Variants in LDLRAD4 observed in about 807,000 individuals in gnomAD.
LDLRAD4 encodes the protein low density lipoprotein receptor class A domain containing 4, also known as low-density lipoprotein receptor class A domain-containing protein 4.
A neutral mutation model predicts 17.0 loss-of-function variants in LDLRAD4; 5 were observed. The ratio of observed to expected loss-of-function variants is 0.29; its 90% confidence interval spans 0.15 to 0.62. The LOEUF is 0.62. Ranked by LOEUF, LDLRAD4 falls within the 20% of genes least tolerant of loss-of-function variation. LDLRAD4 has a pLI of 0.84. For missense variants in LDLRAD4, 340 were observed against 424.7 expected (o/e 0.80, Z 1.75); for synonymous variants, 168 against 171.8 (o/e 0.98, Z 0.17).
chr18:13,265,742 C>T (rs2044178935), intron 1 of LDLRAD4, among the ~76,000 whole-genome samples: 1 of 152,128 alleles, frequency 6.6e-6, no homozygotes, highest in Admixed American at 6.5e-5. Context: ...GCCATGGGTC[C>T]TGCTTGCCTG....
At chr18:13,285,418 C>A (rs886469822) in intron 1 of LDLRAD4, among the ~76,000 whole-genome samples, 3 of 152,176 alleles carry the variant, frequency 2.0e-5, no homozygotes, top group Non-Finnish European at 4.4e-5. Flanking sequence ...CGAGGACAGT[C>A]AGGGGACAGG....
At chr18:13,240,948 A>G in intron 1 of LDLRAD4, 1 of 140,006 alleles carries the variant, frequency 7.1e-6, no homozygotes, top group Non-Finnish European at 1.5e-5. Flanking sequence ...TTTTTTTTTG[A>G]GATGGAGTTT....
At chr18:13,251,868 G>T (rs2043237051) in intron 1 of LDLRAD4, among the ~76,000 whole-genome samples, 1 of 152,208 alleles carries the variant, frequency 6.6e-6, no homozygotes, top group South Asian at 2.1e-4. Flanking sequence ...TATCCCAAAT[G>T]CAGAGTTCCT....
chr18:13,326,237 T>G (rs761073756), intron 1 of LDLRAD4, among the ~76,000 whole-genome samples: 15 of 152,070 alleles, frequency 9.9e-5, no homozygotes, highest in Non-Finnish European at 2.2e-4. Context: ...GGAGGCTTAG[T>G]ATTTGTATGT....
chr18:13,412,459 A>G (rs1024111933), intron 2 of LDLRAD4, among the ~76,000 whole-genome samples: 1 of 152,190 alleles, frequency 6.6e-6, no homozygotes, highest in Non-Finnish European at 1.5e-5. Flanking sequence ...TTTCTCTATT[A>G]TAACATTTAC....
At chr18:13,490,923 G>T (rs3809904) in intron 3 of LDLRAD4, among the ~76,000 whole-genome samples, 3 of 152,126 alleles carry the variant, frequency 2.0e-5, no homozygotes, top group Non-Finnish European at 4.4e-5. Flanking sequence ...CTGGGCCTCT[G>T]TCTCTGGACG....
intron 3 of LDLRAD4, among the ~76,000 whole-genome samples, chr18:13,441,987 A>G (rs188782616): frequency 1.3e-5 from 2 of 152,330 alleles, no homozygotes; most frequent in African/African-American, 4.8e-5. Flanking sequence ...TTTCTGTGGA[A>G]GAGGAAATAT....
At chr18:13,400,964 A>G (rs750502301) in intron 2 of LDLRAD4, among the ~76,000 whole-genome samples, 5 of 152,182 alleles carry the variant, frequency 3.3e-5, no homozygotes, top group Non-Finnish European at 7.4e-5. Context: ...GAATAGAGTA[A>G]TCAAATGTAT....
intron 1 of LDLRAD4, among the ~76,000 whole-genome samples, chr18:13,237,382 C>T (rs2042389613): frequency 6.6e-6 from 1 of 152,178 alleles, no homozygotes; most frequent in Non-Finnish European, 1.5e-5. Flanking sequence ...CGTAGATGGT[C>T]TCTTAGTTCC....
chr18:13,433,816 A>G (rs1207474517), intron 2 of LDLRAD4, among the ~76,000 whole-genome samples: 1 of 152,190 alleles, frequency 6.6e-6, no homozygotes, highest in Non-Finnish European at 1.5e-5. Context: ...ATATTAGGAC[A>G]TTCCCTTTCT....
chr18:13,345,368 A>G (rs2082619833), intron 1 of LDLRAD4, among the ~76,000 whole-genome samples: 1 of 152,138 alleles, frequency 6.6e-6, no homozygotes, highest in African/African-American at 2.4e-5. Context: ...GGTTCTGTTT[A>G]TATGCTGGAT....
chr18:13,522,728 ATG>A (rs2093971140), intron 3 of LDLRAD4: 1 of 152,130 alleles, frequency 6.6e-6, no homozygotes, highest in African/African-American at 2.4e-5. Flanking sequence ...TCTAAGCCGA[ATG>A]TGTTTTCTAC....
chr18:13,512,752 C>T (rs1009009705), intron 3 of LDLRAD4, among the ~76,000 whole-genome samples: 4 of 152,220 alleles, frequency 2.6e-5, no homozygotes, highest in African/African-American at 9.6e-5. Context: ...TTAAAATTTA[C>T]ACCCATATTT....
chr18:13,305,445 G>A (rs1430920528), intron 1 of LDLRAD4, among the ~76,000 whole-genome samples: 1 of 152,130 alleles, frequency 6.6e-6, no homozygotes, highest in Non-Finnish European at 1.5e-5. Flanking sequence ...TATCATCTCC[G>A]CATGAGCAGT....
chr18:13,353,626 T>A (rs2083171484), intron 1 of LDLRAD4, among the ~76,000 whole-genome samples: 1 of 152,116 alleles, frequency 6.6e-6, no homozygotes, highest in Non-Finnish European at 1.5e-5. Flanking sequence ...GAGCTTGGAG[T>A]TAGGCAATGC....
chr18:13,522,128 G>A (rs2093962024), intron 3 of LDLRAD4: 1 of 151,964 alleles, frequency 6.6e-6, no homozygotes, highest in South Asian at 2.1e-4. Flanking sequence ...TGTTTCTTTT[G>A]TTTAAGGTGA....
intron 3 of LDLRAD4, among the ~76,000 whole-genome samples, chr18:13,482,662 C>T (rs1308044877): frequency 1.3e-5 from 2 of 152,164 alleles, no homozygotes; most frequent in Admixed American, 1.3e-4. Flanking sequence ...TGGAGAGGGA[C>T]CCCTCAATGA....
chr18:13,533,582 A>G (rs1211492753), intron 3 of LDLRAD4, among the ~76,000 whole-genome samples: 1 of 152,218 alleles, frequency 6.6e-6, no homozygotes, highest in Non-Finnish European at 1.5e-5. Flanking sequence ...TGTACTTACA[A>G]ACGGTACTCC....
At chr18:13,468,715 C>G (rs947416143) in intron 3 of LDLRAD4, among the ~76,000 whole-genome samples, 2 of 151,874 alleles carry the variant, frequency 1.3e-5, no homozygotes, top group Non-Finnish European at 2.9e-5. Flanking sequence ...ATGGATGAAG[C>G]TGGAAACCAT....
Sources: allele counts gnomAD v4.1 joint callset (sites outside exome capture counted in the v4.1 genomes callset), GRCh38; gene constraint gnomAD v4.1.1; transcripts MANE v1.5; gene names NCBI Gene and HGNC (gene_info 2026-07-23, HGNC 2026-07-21).